The following TMEM244 variants were observed in gnomAD, a reference collection of about 807,000 sequenced individuals.
TMEM244 encodes putative transmembrane protein 244.
Under a neutral mutation model 15.8 loss-of-function variants are expected in TMEM244, and 13 were observed. The ratio of observed to expected loss-of-function variants is 0.82; its 90% CI spans 0.53 to 1.30. The LOEUF (loss-of-function observed/expected upper bound fraction) is 1.30. Ranked by LOEUF, TMEM244 falls within the 50% of genes most tolerant of loss-of-function variation. The pLI, the probability that TMEM244 is intolerant of heterozygous loss-of-function variation, is 0.00. For synonymous variants in TMEM244, 45 were observed against 48.7 expected (o/e 0.92, Z 0.32); for missense variants, 161 against 144.9 (o/e 1.11, Z -0.57).
At chr6:129,857,227 A>G (rs1043069887) in intron 1 of TMEM244, among the ~76,000 whole-genome samples, 1 of 151,408 alleles carries the variant, frequency 6.6e-6, no homozygotes, top group Non-Finnish European at 1.5e-5. Context: ...AGATAGTTTT[A>G]CTTCTATTTT....
At chr6:129,843,939 T>C (rs1776527482) in intron 2 of TMEM244, among the ~76,000 whole-genome samples, 1 of 152,216 alleles carries the variant, frequency 6.6e-6, no homozygotes, top group Non-Finnish European at 1.5e-5. Context: ...ACTCACTTCA[T>C]GACCAAACCA....
intron 3 of TMEM244, among the ~76,000 whole-genome samples, chr6:129,834,110 C>T (rs573266609): frequency 3.3e-5 from 5 of 152,272 alleles, no homozygotes; most frequent in East Asian, 1.9e-4. Context: ...TAACTGATAA[C>T]CATGGATGAA....
chr6:129,835,708 G>A (rs1403876482), intron 3 of TMEM244, among the ~76,000 whole-genome samples: 2 of 152,168 alleles, frequency 1.3e-5, no homozygotes, highest in Non-Finnish European at 2.9e-5. Flanking sequence ...ACAAAATACT[G>A]CACTATTCCC....
intron 2 of TMEM244, among the ~76,000 whole-genome samples, chr6:129,844,524 T>G (rs1425780204): frequency 1.3e-5 from 2 of 152,214 alleles, no homozygotes; most frequent in East Asian, 1.9e-4. Context: ...CTGAGTCTAT[T>G]AAAGCATACA....
chr6:129,833,615 G>A, intron 3 of TMEM244, 30 bp from the exon 4 acceptor site: 1 of 1,603,232 alleles, frequency 6.2e-7, no homozygotes, highest in South Asian at 1.1e-5. Flanking sequence ...TATAATTATT[G>A]AGGACTAGAG....
chr6:129,860,565 C>T (rs1437957895), intron 1 of TMEM244, among the ~76,000 whole-genome samples: 1 of 152,086 alleles, frequency 6.6e-6, no homozygotes, highest in East Asian at 1.9e-4. Context: ...TCCCTTAAGT[C>T]TGGCTCATTA....
chr6:129,861,246 T>C lies in TMEM244; in HGVS notation c.-58A>G. 1 of 1,592,466 alleles carries C rather than the reference T, an allele frequency of 6.3e-7. No individual in the cohort carries two copies. Among genetic ancestry groups the C allele is most frequent in the Non-Finnish European group, 8.6e-7 (1 of 1,162,552 alleles). ...CCCCACTCCTTATAGCGATGACATC[T>C]GGAAGAAGACACAATTGTCACCGTG... is the stretch of plus-strand genomic sequence containing the variant. On this transcript the variant is annotated 5_prime_UTR_variant, in exon 1 of 5. Coordinates refer to ENST00000368143, the MANE Select transcript of TMEM244 (RefSeq NM_001010876.2).
rs559994819 is a variant in TMEM244 at position 129,851,063 on chromosome 6, G to A, written c.34-5211C>T. Among the ~76,000 whole-genome samples, 8 of 152,180 alleles carry A rather than the reference G, an allele frequency of 5.3e-5. 1 individual carries two copies. The South Asian group carries it at 1.7e-3, about 32-fold the overall frequency. ...GTACCTCACCACTATATGCTTGCAG[G>A]AAAAACTTTCTGGGTTTGGTTGTCT... is the stretch of plus-strand genomic sequence containing the variant. On this transcript the variant is annotated intron_variant, in intron 1 of 4. Transcript: ENST00000368143.
intron 1 of TMEM244, among the ~76,000 whole-genome samples, chr6:129,855,671 G>T (rs141596201): frequency 1.3e-5 from 2 of 152,046 alleles, no homozygotes; most frequent in Non-Finnish European, 2.9e-5. Flanking sequence ...TTGTCTGATG[G>T]TTTCCTCATG....
At chr6:129,833,801 C>T (rs1478066098) in intron 3 of TMEM244, among the ~76,000 whole-genome samples, 1 of 140,748 alleles carries the variant, frequency 7.1e-6, no homozygotes, top group African/African-American at 2.7e-5. Context: ...CACAATATAT[C>T]ATTTCTGTTT....
chr6:129,845,028 C>G (rs932141672), intron 2 of TMEM244, among the ~76,000 whole-genome samples: 1 of 152,074 alleles, frequency 6.6e-6, no homozygotes, highest in African/African-American at 2.4e-5. Flanking sequence ...TCAACCATAG[C>G]AAGACAAAAA....
At chr6:129,857,341 C>CACACACAT (rs1554208348) in intron 1 of TMEM244, among the ~76,000 whole-genome samples, 1 of 150,166 alleles carries the variant, frequency 6.7e-6, no homozygotes, top group Non-Finnish European at 1.5e-5. Flanking sequence ...CACACACACA[C>CACACACAT]ATATATATAT....
At chr6:129,857,660 C>G (rs899267215) in intron 1 of TMEM244, among the ~76,000 whole-genome samples, 3 of 152,018 alleles carry the variant, frequency 2.0e-5, no homozygotes, top group Non-Finnish European at 2.9e-5. Context: ...GCACCCAACC[C>G]TAACATATGT....
chr6:129,833,550 A>G lies in TMEM244; in HGVS notation c.229T>C (p.Cys77Arg). The G allele has an allele frequency of 3.7e-6, 6 of 1,612,850 alleles. No homozygotes were observed. The highest frequency in any genetic ancestry group is 1.3e-5 in the African/African-American group (1 of 75,006). The change falls in exon 4 of 5, where the codon TGT (cysteine) becomes CGT (arginine). Residue 77 changes from cysteine (C) to arginine (R), a missense_variant. Cys to Arg is a radical substitution (Grantham distance 180). Coordinates refer to ENST00000368143, the MANE Select transcript of TMEM244 (RefSeq NM_001010876.2). ...LVSTEVTYFV[C>R]GLFFVPVVEE... ...ACAACTGGAACAAAAAACAATCCAC[A>G]AACAAAGTAGGTGACCTCTGTTGAA... is the stretch of plus-strand genomic sequence containing the variant.
chr6:129,844,157 A>G lies in TMEM244; in HGVS notation c.120-554T>C, dbSNP rs1776531184. 2.0e-5 allele frequency among the ~76,000 whole-genome samples: 3 copies of G among 152,356 alleles called. No homozygotes were observed. The South Asian group carries it at 6.2e-4, about 32-fold the overall frequency. On this transcript the variant is annotated intron_variant, in intron 2 of 4. Transcript: ENST00000368143. ...TTTGTATTAAAAAAACCTGCTAAGC[A>G]GAAAAAAGTGAAGTGAGCTAAAAAG...
At position 129,832,093 on chromosome 6, in the gene TMEM244, C is replaced by CTTT. The variant is rs1177577598; in HGVS notation, c.320-710_320-708dup. Among the ~76,000 whole-genome samples, 14 of 114,118 alleles carry CTTT rather than the reference C, an allele frequency of 1.2e-4. 1 individual carries two copies. The highest frequency in any genetic ancestry group is 2.0e-4 in the Non-Finnish European group (11 of 55,222). The allele number at this position is 114,118 out of a possible 152,430, so 74.9% of individuals were successfully genotyped here. A position where few individuals can be genotyped will look rare whatever the true frequency, so the allele number is the denominator to read the frequency against. ...GTTCTTCAGTTGGAGACAGATTGTA[C>CTTT]TTTTTTTTTTTTTTTTTTTTCTGAG... On this transcript the variant is annotated intron_variant, in intron 4 of 4. Transcript: ENST00000368143.
chr6:129,856,946 G>A (rs1172374148), intron 1 of TMEM244, among the ~76,000 whole-genome samples: 1 of 151,782 alleles, frequency 6.6e-6, no homozygotes, highest in Non-Finnish European at 1.5e-5. Context: ...ATCATATAGT[G>A]TTAATATATG....
Position 129,831,395 on chromosome 6 carries a change from G to C in TMEM244, c.320-9C>G. 6.5e-7 allele frequency: 1 copy of C among 1,544,308 alleles called. No homozygotes were observed. Among genetic ancestry groups the C allele is most frequent in the Non-Finnish European group, 8.9e-7 (1 of 1,117,972 alleles). On this transcript the variant is annotated splice_polypyrimidine_tract_variant and intron_variant, in intron 4 of 4. Coordinates refer to ENST00000368143, the MANE Select transcript of TMEM244 (RefSeq NM_001010876.2). ...GGGGAATTCCAACATAACTGCAATA[G>C]AAAAAAAATGTTTAATTTCAAAACA...
At chr6:129,847,218 A>T (rs1006929132) in intron 1 of TMEM244, among the ~76,000 whole-genome samples, 1 of 152,152 alleles carries the variant, frequency 6.6e-6, no homozygotes, top group Non-Finnish European at 1.5e-5. Context: ...TTCACTGTTA[A>T]CCTTTTCAAA....
Sources: allele counts gnomAD v4.1 joint callset (sites outside exome capture counted in the v4.1 genomes callset), GRCh38; gene constraint gnomAD v4.1.1; transcripts MANE v1.5; gene names NCBI Gene and HGNC (gene_info 2026-07-23, HGNC 2026-07-21).